Variants in CNTNAP4 observed in about 807,000 individuals in gnomAD.
The protein encoded by CNTNAP4 is contactin associated protein family member 4.
In CNTNAP4, 98 loss-of-function variants were observed where a neutral mutation model predicts 148.4. That is an observed-to-expected ratio of 0.66 (90% CI 0.56 to 0.78). The LOEUF is 0.78. Ranked by LOEUF, CNTNAP4 falls within the 30% of genes least tolerant of loss-of-function variation. The probability of loss-of-function intolerance (pLI) is 0.00; values close to 1 mark genes in which losing one functional copy is unlikely to be tolerated. For missense variants in CNTNAP4, 1,935 were observed against 1,565.6 expected, an observed-to-expected ratio of 1.24 and a Z score of -3.98; for synonymous variants, 730 against 565.1, an observed-to-expected ratio of 1.29 and a Z score of -4.14.
chr16:76,522,702 T>TGC (rs1491006975), intron 17 of CNTNAP4, among the ~76,000 whole-genome samples: 1 of 19,744 alleles, frequency 5.1e-5, no homozygotes, highest in African/African-American at 2.9e-4. Context: ...TTTTCTTTTC[T>TGC]TTTCTTTTCT....
intron 3 of CNTNAP4, among the ~76,000 whole-genome samples, chr16:76,407,352 A>G (rs553396650): frequency 1.4e-4 from 22 of 152,166 alleles, no homozygotes; most frequent in Non-Finnish European, 2.8e-4. Context: ...TTGTAAGGCT[A>G]TAGCTCTTAT....
At chr16:76,530,718 T>C (rs1457343620) in intron 17 of CNTNAP4, among the ~76,000 whole-genome samples, 1 of 152,174 alleles carries the variant, frequency 6.6e-6, no homozygotes, top group African/African-American at 2.4e-5. Context: ...ACCACGATAG[T>C]TCTTTGAACA....
At chr16:76,535,444 T>A in intron 17 of CNTNAP4, 101 bp from the exon 18 acceptor site, 2 of 1,139,504 alleles carry the variant, frequency 1.8e-6, no homozygotes, top group Non-Finnish European at 2.4e-6. Flanking sequence ...TGCTCATCCA[T>A]TTTTTTTGCC....
intron 4 of CNTNAP4, among the ~76,000 whole-genome samples, chr16:76,443,017 G>A (rs1454911387): frequency 6.6e-6 from 1 of 152,092 alleles, no homozygotes; most frequent in African/African-American, 2.4e-5. Context: ...AGAACAATTT[G>A]CAACTGTGGT....
chr16:76,516,406 T>G (rs2083256984), intron 15 of CNTNAP4, among the ~76,000 whole-genome samples: 1 of 152,208 alleles, frequency 6.6e-6, no homozygotes, highest in Non-Finnish European at 1.5e-5. Context: ...TAAACATACA[T>G]GTGCAAATGA....
In CNTNAP4 at chr16:76,559,566, A is replaced by G. The variant is rs1248923721; in HGVS notation, c.*883A>G. Reference sequence around the variant, plus strand: ...ACAGCAAAAAATTATTATTTAATTTACAACTGTAATACCTCAAATGAAATA... The same window carrying G: ...ACAGCAAAAAATTATTATTTAATTTGCAACTGTAATACCTCAAATGAAATA... On this transcript the variant is annotated 3_prime_UTR_variant, in exon 24 of 24. Transcript: ENST00000611870. Among the ~76,000 whole-genome samples, 1 of 152,214 alleles carries G rather than the reference A, an allele frequency of 6.6e-6. No individual in the cohort carries two copies. The highest frequency in any genetic ancestry group is 2.4e-5 in the African/African-American group (1 of 41,446).
chr16:76,349,466 T>C (rs907808820), intron 2 of CNTNAP4, among the ~76,000 whole-genome samples: 9 of 151,956 alleles, frequency 5.9e-5, no homozygotes, highest in African/African-American at 1.9e-4. Flanking sequence ...CTGGTAAAAA[T>C]ACAAAGCTAT....
At chr16:76,417,579 A>G (rs545982643) in intron 3 of CNTNAP4, among the ~76,000 whole-genome samples, 7 of 151,756 alleles carry the variant, frequency 4.6e-5, no homozygotes, top group Non-Finnish European at 5.9e-5. Flanking sequence ...TCCATGTGCT[A>G]TAAGCACCCA....
intron 3 of CNTNAP4, among the ~76,000 whole-genome samples, chr16:76,392,251 C>T (rs1291378891): frequency 1.3e-5 from 2 of 152,172 alleles, no homozygotes; most frequent in Non-Finnish European, 2.9e-5. Context: ...GCCTTGGCCT[C>T]CCAAACTGCT....
chr16:76,362,836 A>G (rs1171925705), intron 3 of CNTNAP4, among the ~76,000 whole-genome samples: 2 of 152,210 alleles, frequency 1.3e-5, no homozygotes, highest in Admixed American at 1.3e-4. Context: ...TAATCTGTAC[A>G]TAAAACCACT....
intron 3 of CNTNAP4, among the ~76,000 whole-genome samples, chr16:76,376,519 G>T (rs1232421858): frequency 1.3e-5 from 2 of 152,218 alleles, no homozygotes; most frequent in African/African-American, 4.8e-5. Context: ...TATGCAAAGA[G>T]ATCGTATATT....
At chr16:76,415,844 AT>A (rs965383630) in intron 3 of CNTNAP4, among the ~76,000 whole-genome samples, 2 of 150,478 alleles carry the variant, frequency 1.3e-5, no homozygotes, top group Non-Finnish European at 3.0e-5. Context: ...TCTACAAAAT[AT>A]TTTTTTAATT....
chr16:76,295,182 G>A (rs1314554582), intron 1 of CNTNAP4, among the ~76,000 whole-genome samples: 7 of 152,292 alleles, frequency 4.6e-5, no homozygotes, highest in African/African-American at 1.7e-4. Context: ...TCAGTGAAAG[G>A]TGTTTACTGA....
At chr16:76,417,402 C>T (rs2079028493) in intron 3 of CNTNAP4, among the ~76,000 whole-genome samples, 1 of 151,292 alleles carries the variant, frequency 6.6e-6, no homozygotes, top group Admixed American at 6.6e-5. Context: ...TTAAACTAAA[C>T]CAAAGTCTAT....
At chr16:76,414,572 C>T (rs2078912423) in intron 3 of CNTNAP4, among the ~76,000 whole-genome samples, 1 of 151,206 alleles carries the variant, frequency 6.6e-6, no homozygotes, top group African/African-American at 2.4e-5. Context: ...TGTTTTTCTG[C>T]TCTTTGAAGG....
chr16:76,305,227 C>G (rs1389662280), intron 1 of CNTNAP4, among the ~76,000 whole-genome samples: 2 of 152,076 alleles, frequency 1.3e-5, no homozygotes, highest in East Asian at 3.9e-4. Context: ...TCAATTTTCT[C>G]TATGTCTGTG....
At chr16:76,318,754 A>C in intron 2 of CNTNAP4, among the ~76,000 whole-genome samples, 1 of 142,826 alleles carries the variant, frequency 7.0e-6, no homozygotes, top group Non-Finnish European at 1.5e-5. Context: ...TAATCATAAT[A>C]ATATTCATAA....
At chr16:76,388,176 G>A (rs565182757) in intron 3 of CNTNAP4, among the ~76,000 whole-genome samples, 2 of 152,250 alleles carry the variant, frequency 1.3e-5, no homozygotes, top group South Asian at 4.1e-4. Context: ...ATCTTGTGGT[G>A]TCAGAGACAT....
intron 3 of CNTNAP4, among the ~76,000 whole-genome samples, chr16:76,358,312 G>C (rs576894705): frequency 6.6e-6 from 1 of 152,212 alleles, no homozygotes; most frequent in East Asian, 1.9e-4. Context: ...CTCCAGCCTG[G>C]GTGACAGAGC....
Sources: allele counts gnomAD v4.1 joint callset (sites outside exome capture counted in the v4.1 genomes callset), GRCh38; gene constraint gnomAD v4.1.1; transcripts MANE v1.5; gene names NCBI Gene and HGNC (gene_info 2026-07-23, HGNC 2026-07-21).